LRP12: variants seen among roughly 807,000 people sequenced by gnomAD.
The protein encoded by LRP12 is LDL receptor related protein 12.
In LRP12, 14 loss-of-function variants were observed where a neutral mutation model predicts 66.0. The observed-to-expected ratio is 0.21, with a 90% CI of 0.14 to 0.33. The LOEUF is 0.33. Ranked by LOEUF, LRP12 falls within the 10% of genes least tolerant of loss-of-function variation. The probability of loss-of-function intolerance (pLI) is 1.00; values close to 1 mark genes in which losing one functional copy is unlikely to be tolerated. For missense variants in LRP12, 889 were observed against 1,053.4 expected (o/e 0.84, Z 2.16); for synonymous variants, 357 against 359.1 (o/e 0.99, Z 0.07).
chr8:104,500,539 C>T (rs1166195769), intron 3 of LRP12, among the ~76,000 whole-genome samples: 1 of 151,984 alleles, frequency 6.6e-6, no homozygotes, highest in Non-Finnish European at 1.5e-5. Context: ...CCCGTCTCTA[C>T]TAAGAATACA....
intron 1 of LRP12, among the ~76,000 whole-genome samples, chr8:104,535,288 C>T (rs1234909332): frequency 1.3e-5 from 2 of 151,852 alleles, no homozygotes; most frequent in African/African-American, 4.8e-5. Context: ...ATAGATGCTG[C>T]TTTAGGAAAG....
intron 1 of LRP12, among the ~76,000 whole-genome samples, chr8:104,559,366 A>C (rs1220628727): frequency 6.6e-6 from 1 of 152,196 alleles, no homozygotes; most frequent in Non-Finnish European, 1.5e-5. Context: ...GGAGAAATCA[A>C]ACATTTTATG....
At chr8:104,525,385 G>A (rs1162214875) in intron 2 of LRP12, among the ~76,000 whole-genome samples, 1 of 151,902 alleles carries the variant, frequency 6.6e-6, no homozygotes, top group African/African-American at 2.4e-5. Context: ...GAGCAAAAAG[G>A]CAAAGATTTA....
intron 1 of LRP12, among the ~76,000 whole-genome samples, chr8:104,580,243 G>A (rs1415067530): frequency 6.6e-6 from 1 of 152,028 alleles, no homozygotes; most frequent in Non-Finnish European, 1.5e-5. Context: ...TAGGCTGGGT[G>A]CGGTGGCTCA....
At chr8:104,575,260 C>T (rs1812147890) in intron 1 of LRP12, among the ~76,000 whole-genome samples, 1 of 152,168 alleles carries the variant, frequency 6.6e-6, no homozygotes, top group South Asian at 2.1e-4. Flanking sequence ...TGACTAGAGC[C>T]CCAAGCCAAC....
intron 1 of LRP12, 84 bp from the exon 2 acceptor site, chr8:104,532,047 CTACA>C: frequency 1.3e-6 from 1 of 768,090 alleles, no homozygotes; most frequent in South Asian, 1.8e-5. Flanking sequence ...AGAGAAACAA[CTACA>C]TAGAGTTCCT....
intron 1 of LRP12, among the ~76,000 whole-genome samples, chr8:104,559,485 G>T (rs1811868733): frequency 6.6e-6 from 1 of 152,104 alleles, no homozygotes; most frequent in Non-Finnish European, 1.5e-5. Context: ...AGCGATAAAA[G>T]ACTACACACT....
chr8:104,581,903 G>T (rs1812254915), intron 1 of LRP12, among the ~76,000 whole-genome samples: 1 of 152,132 alleles, frequency 6.6e-6, no homozygotes, highest in African/African-American at 2.4e-5. Context: ...TAGGTGTTCT[G>T]TATTCTCTTA....
Position 104,490,738 on chromosome 8 carries a change from C to A in LRP12, c.2515G>T (p.Asp839Tyr), listed in dbSNP as rs150116835. The part of the protein sequence containing the change: ...CGIVHTAQIP[D>Y]TCLEVTLKNE... The stretch of plus-strand genomic sequence containing the variant: ...TTCAGTGTTACTTCTAAGCAAGTGT[C>A]TGGTATCTGGGCAGTGTGGACAATA... The change falls in exon 7 of 7, where the codon GAC (aspartate) becomes TAC (tyrosine). Residue 839 changes from aspartate to tyrosine, a missense_variant. Physicochemically the swap from Asp to Tyr is radical, Grantham distance 160 (BLOSUM62 -3). This residue lies in a region of LRP12 where 800 missense variants were observed against 964.5 expected (regional missense o/e 0.83). Transcript: ENST00000276654. 2.5e-6 allele frequency: 4 copies of A among 1,614,038 alleles called. No individual in the cohort carries two copies. Among genetic ancestry groups the A allele is most frequent in the Non-Finnish European group, 3.4e-6 (4 of 1,179,998 alleles).
chr8:104,558,558 T>C (rs569479578), intron 1 of LRP12, among the ~76,000 whole-genome samples: 2 of 152,250 alleles, frequency 1.3e-5, no homozygotes, highest in East Asian at 3.9e-4. Context: ...AAAGACTTCA[T>C]GGCAAAGAAC....
In LRP12 at chr8:104,557,458, A is replaced by G. The variant is rs117544765; in HGVS notation, c.80-25495T>C. Among the ~76,000 whole-genome samples the G allele has an allele frequency of 7.9e-3, 1,203 of 152,222 alleles. 8 individuals are homozygous for G. Among genetic ancestry groups the G allele is most frequent in the Non-Finnish European group, 9.4e-3 (637 of 68,002 alleles). ...TCAGGATACAAATTTAATCTACACA[A>G]ATCAGTAGCACCACTATACACCAAC... On this transcript the variant is annotated intron_variant, in intron 1 of 6. Coordinates refer to ENST00000276654, the MANE Select transcript of LRP12 (RefSeq NM_013437.5).
chr8:104,518,000 G>A (rs1272176567), intron 2 of LRP12, among the ~76,000 whole-genome samples: 3 of 152,124 alleles, frequency 2.0e-5, no homozygotes, highest in Admixed American at 6.6e-5. Context: ...AAAAAGCAGA[G>A]TATGTAGTTA....
intron 2 of LRP12, among the ~76,000 whole-genome samples, chr8:104,523,128 C>A (rs1020726182): frequency 6.6e-6 from 1 of 152,024 alleles, no homozygotes; most frequent in African/African-American, 2.4e-5. Context: ...CTTTGAACAA[C>A]ATGGGTTTGA....
chr8:104,499,049 A>T (rs1015777135), intron 4 of LRP12, among the ~76,000 whole-genome samples: 1 of 152,222 alleles, frequency 6.6e-6, no homozygotes. Flanking sequence ...GAGGGAGAAA[A>T]GGCTATTCTT....
At chr8:104,511,565 T>C (rs1031677207) in intron 2 of LRP12, among the ~76,000 whole-genome samples, 1 of 152,138 alleles carries the variant, frequency 6.6e-6, no homozygotes, top group Non-Finnish European at 1.5e-5. Flanking sequence ...TTATACACTT[T>C]TCAATTTAGG....
intron 1 of LRP12, among the ~76,000 whole-genome samples, chr8:104,544,394 T>G (rs118020846): frequency 6.6e-6 from 1 of 152,322 alleles, no homozygotes; most frequent in Non-Finnish European, 1.5e-5. Flanking sequence ...AGATCACTAA[T>G]GAAGGTGGCT....
intron 1 of LRP12, among the ~76,000 whole-genome samples, chr8:104,563,447 TTAA>T (rs1811946510): frequency 6.6e-6 from 1 of 152,102 alleles, no homozygotes; most frequent in African/African-American, 2.4e-5. Context: ...TATATATTTG[TTAA>T]TAATGATATG....
At chr8:104,580,747 G>T (rs1257172769) in intron 1 of LRP12, among the ~76,000 whole-genome samples, 2 of 152,170 alleles carry the variant, frequency 1.3e-5, no homozygotes, top group Non-Finnish European at 2.9e-5. Context: ...TCTCACACCA[G>T]TCAGAATGGC....
At chr8:104,521,671 TA>T (rs1811153738) in intron 2 of LRP12, among the ~76,000 whole-genome samples, 1 of 151,644 alleles carries the variant, frequency 6.6e-6, no homozygotes, top group African/African-American at 2.4e-5. Flanking sequence ...TTTCTTTATA[TA>T]AAGGATAGCT....
Sources: allele counts gnomAD v4.1 joint callset (sites outside exome capture counted in the v4.1 genomes callset), GRCh38; gene constraint gnomAD v4.1.1; regional missense constraint gnomAD v4.1.1; transcripts MANE v1.5; gene names NCBI Gene and HGNC (gene_info 2026-07-23, HGNC 2026-07-21).